ST18: variants seen among roughly 807,000 people sequenced by gnomAD.
ST18 encodes the protein ST18 C2H2C-type zinc finger transcription factor.
Under a neutral mutation model 110.0 loss-of-function variants are expected in ST18, and 50 were observed. The ratio of observed to expected loss-of-function variants is 0.45; its 90% CI spans 0.36 to 0.58. The LOEUF is 0.58. ST18 is among the 20% of genes least tolerant of loss of function. The probability of loss-of-function intolerance (pLI) is 0.00; values close to 1 mark genes in which losing one functional copy is unlikely to be tolerated. For missense variants in ST18, 1,306 were observed against 1,280.1 expected (o/e 1.02, Z -0.31); for synonymous variants, 461 against 452.4 (o/e 1.02, Z -0.24).
chr8:52,348,078 C>T (rs1818536832), intron 2 of ST18, among the ~76,000 whole-genome samples: 1 of 151,718 alleles, frequency 6.6e-6, no homozygotes, highest in African/African-American at 2.4e-5. Context: ...GAGTGGCTCA[C>T]GAACTGGTTT....
chr8:52,330,896 C>T (rs1392538902), intron 2 of ST18, among the ~76,000 whole-genome samples: 2 of 152,110 alleles, frequency 1.3e-5, no homozygotes, highest in South Asian at 2.1e-4. Flanking sequence ...CAAGAAGGAG[C>T]GCCTAAGAGG....
chr8:52,176,603 TA>T (rs2067056328), intron 9 of ST18, among the ~76,000 whole-genome samples: 1 of 152,080 alleles, frequency 6.6e-6, no homozygotes, highest in East Asian at 1.9e-4. Flanking sequence ...ATTTCTAGAG[TA>T]AAAAGTAAAT....
At chr8:52,313,066 G>A (rs1315498763) in intron 2 of ST18, 1 of 152,404 alleles carries the variant, frequency 6.6e-6, no homozygotes, top group East Asian at 1.9e-4. Flanking sequence ...TAAGCTGCAT[G>A]AGCAGGTAGC....
At chr8:52,293,976 C>T (rs1029044526) in intron 2 of ST18, among the ~76,000 whole-genome samples, 1 of 152,184 alleles carries the variant, frequency 6.6e-6, no homozygotes, top group African/African-American at 2.4e-5. Context: ...CAGGGTTTCA[C>T]GCAGTGGCCC....
In ST18 at chr8:52,218,695, C is replaced by T. The variant is rs553697300; in HGVS notation, c.-156-794G>A. Reference sequence around the variant, plus strand: ...GATTACAGGCATGAGCCACTGCACCCGGCTGCCGCTCTTAATTTGAGAAGT... The same window carrying T: ...GATTACAGGCATGAGCCACTGCACCTGGCTGCCGCTCTTAATTTGAGAAGT... On this transcript the variant is annotated intron_variant, in intron 5 of 25. Transcript: ENST00000689386. Among the ~76,000 whole-genome samples the T allele has an allele frequency of 8.6e-5, 13 of 151,990 alleles. No individual in the cohort carries two copies. In the East Asian group the frequency reaches 2.3e-3, roughly 27 times the overall value.
At chr8:52,211,461 C>G (rs1000554819) in intron 8 of ST18, among the ~76,000 whole-genome samples, 1 of 150,974 alleles carries the variant, frequency 6.6e-6, no homozygotes, top group African/African-American at 2.4e-5. Flanking sequence ...GGCTGGAGTG[C>G]AGTTGTGTGA....
intron 2 of ST18, among the ~76,000 whole-genome samples, chr8:52,408,429 C>A (rs1845275907): frequency 6.6e-6 from 1 of 152,188 alleles, no homozygotes; most frequent in Non-Finnish European, 1.5e-5. Context: ...TGTCTGCTCT[C>A]CCCCAGTTAC....
At chr8:52,378,838 C>T (rs1833399902) in intron 2 of ST18, among the ~76,000 whole-genome samples, 1 of 152,082 alleles carries the variant, frequency 6.6e-6, no homozygotes. Flanking sequence ...ATTGAATGTG[C>T]TAGAATTCCT....
intron 8 of ST18, among the ~76,000 whole-genome samples, chr8:52,185,871 G>T (rs1384213971): frequency 1.3e-5 from 2 of 152,128 alleles, no homozygotes; most frequent in African/African-American, 4.8e-5. Context: ...CGACCTTGGG[G>T]TAGGCAAAAT....
At chr8:52,219,802 C>T (rs2085936041) in intron 5 of ST18, among the ~76,000 whole-genome samples, 1 of 152,160 alleles carries the variant, frequency 6.6e-6, no homozygotes, top group Non-Finnish European at 1.5e-5. Flanking sequence ...AACCTGAGAC[C>T]TGAAACAAGC....
At chr8:52,352,252 A>C (rs1220270127) in intron 2 of ST18, among the ~76,000 whole-genome samples, 1 of 152,180 alleles carries the variant, frequency 6.6e-6, no homozygotes, top group East Asian at 1.9e-4. Context: ...AAGTCAGCCT[A>C]GATTGCACTT....
At chr8:52,179,988 T>A in intron 9 of ST18, 134 bp downstream of exon 9, 1 of 957,868 alleles carries the variant, frequency 1.0e-6, no homozygotes, top group South Asian at 1.8e-5. Context: ...GTAAAATAAA[T>A]GTTTCATTTT....
At chr8:52,281,895 A>C (rs1203684933) in intron 2 of ST18, among the ~76,000 whole-genome samples, 1 of 152,198 alleles carries the variant, frequency 6.6e-6, no homozygotes, top group Non-Finnish European at 1.5e-5. Flanking sequence ...ACTCGGGGAA[A>C]TGGTGGGAGA....
intron 2 of ST18, among the ~76,000 whole-genome samples, chr8:52,377,125 G>A (rs953093767): frequency 3.9e-5 from 6 of 151,968 alleles, no homozygotes; most frequent in African/African-American, 7.3e-5. Flanking sequence ...ATTAGTACAT[G>A]GAAAAAATTG....
Position 52,130,296 on chromosome 8 carries a change from A to T in ST18, c.2666+1662T>A, listed in dbSNP as rs537929371. ...ATGATGTGTATTTGCAGTTAAAAGAATATTCTATTTTTAGAGATGGGGTCT... is the reference window on the plus strand; with the variant it reads ...ATGATGTGTATTTGCAGTTAAAAGATTATTCTATTTTTAGAGATGGGGTCT... On this transcript the variant is annotated intron_variant, in intron 22 of 25. Transcript: ENST00000689386. 2.0e-5 allele frequency among the ~76,000 whole-genome samples: 3 copies of T among 152,262 alleles called. 1 individual carries two copies. In the South Asian group the frequency reaches 6.2e-4, roughly 32 times the overall value.
intron 2 of ST18, among the ~76,000 whole-genome samples, chr8:52,278,853 A>T (rs2095323569): frequency 6.6e-6 from 1 of 151,970 alleles, no homozygotes; most frequent in African/African-American, 2.4e-5. Context: ...TGTGGCCCCT[A>T]AAAAGGCCAA....
At position 52,161,355 on chromosome 8, in the gene ST18, C is replaced by T; in HGVS notation, c.1594+20G>A. 2 of 1,608,558 alleles carry T rather than the reference C, an allele frequency of 1.2e-6. No homozygotes were observed. The highest frequency in any genetic ancestry group is 2.2e-5 in the South Asian group (2 of 89,980). On this transcript the variant is annotated intron_variant, in intron 14 of 25. Coordinates refer to ENST00000689386, the MANE Select transcript of ST18 (RefSeq NM_001352837.2). Reference sequence around the variant, plus strand: ...CACAAGAAGCATTTTGGGGAAACGGCATTAGAGCTCAAAGCTTACATTCAG... The same window carrying T: ...CACAAGAAGCATTTTGGGGAAACGGTATTAGAGCTCAAAGCTTACATTCAG...
At chr8:52,113,591 C>G (rs2041251242) in intron 25 of ST18, among the ~76,000 whole-genome samples, 1 of 152,122 alleles carries the variant, frequency 6.6e-6, no homozygotes, top group African/African-American at 2.4e-5. Context: ...AAGTATATGT[C>G]TGGCTATGGA....
intron 3 of ST18, among the ~76,000 whole-genome samples, chr8:52,225,586 A>T (rs995205453): frequency 1.3e-5 from 2 of 152,252 alleles, no homozygotes; most frequent in Non-Finnish European, 2.9e-5. Context: ...GAGTGGTTTT[A>T]TCAGCAGCAA....
Sources: allele counts gnomAD v4.1 joint callset (sites outside exome capture counted in the v4.1 genomes callset), GRCh38; gene constraint gnomAD v4.1.1; transcripts MANE v1.5; gene names NCBI Gene and HGNC (gene_info 2026-07-23, HGNC 2026-07-21).